EPB41L3: variants seen among roughly 807,000 people sequenced by gnomAD.
The protein encoded by EPB41L3 is erythrocyte membrane protein band 4.1 like 3.
A neutral mutation model predicts 127.1 loss-of-function variants in EPB41L3; 57 were observed. That is an observed-to-expected ratio of 0.45 (90% confidence interval 0.36 to 0.56). EPB41L3 has a LOEUF of 0.56. Among genes scored for constraint, EPB41L3 ranks in the 20% least tolerant of loss-of-function variants. The pLI, the probability that EPB41L3 is intolerant of heterozygous loss-of-function variation, is 0.00. For synonymous variants in EPB41L3, 572 were observed against 549.5 expected (o/e 1.04, Z -0.57); for missense variants, 1,273 against 1,372.2 (o/e 0.93, Z 1.14).
chr18:5,488,161 G>T (rs1465818490), intron 2 of EPB41L3, among the ~76,000 whole-genome samples: 1 of 152,146 alleles, frequency 6.6e-6, no homozygotes. Flanking sequence ...CAGGGAAAAA[G>T]AGTTGAAAAT....
chr18:5,419,616 C>G (rs969449233), intron 12 of EPB41L3, 95 bp downstream of exon 12: 78 of 1,526,152 alleles, frequency 5.1e-5, no homozygotes, highest in Non-Finnish European at 6.2e-5. Context: ...ATGATTTATC[C>G]TAAATCTGAG....
intron 1 of EPB41L3, among the ~76,000 whole-genome samples, chr18:5,538,995 A>ATTTTT (rs757227800): frequency 2.6e-5 from 3 of 115,190 alleles, no homozygotes; most frequent in Non-Finnish European, 5.6e-5. Flanking sequence ...TTTCTCCAAG[A>ATTTTT]TTTTTTTTTT....
chr18:5,470,532 A>G (rs530453960), intron 3 of EPB41L3, among the ~76,000 whole-genome samples: 1 of 152,370 alleles, frequency 6.6e-6, no homozygotes, highest in East Asian at 1.9e-4. Flanking sequence ...AGTGCTTATA[A>G]TGCACAAATT....
intron 8 of EPB41L3, among the ~76,000 whole-genome samples, chr18:5,431,965 C>A (rs1176000872): frequency 6.6e-6 from 1 of 152,138 alleles, no homozygotes; most frequent in Non-Finnish European, 1.5e-5. Flanking sequence ...TAATTATACA[C>A]AAATGTCAAA....
At chr18:5,597,687 TG>T (rs1299914824) in intron 3 of EPB41L3, among the ~76,000 whole-genome samples, 2 of 152,192 alleles carry the variant, frequency 1.3e-5, no homozygotes, top group Admixed American at 1.3e-4. Context: ...TTGCAAATCC[TG>T]CAAATCAGCC....
At chr18:5,429,491 T>C (rs967884913) in intron 8 of EPB41L3, 1 of 152,160 alleles carries the variant, frequency 6.6e-6, no homozygotes, top group Admixed American at 6.5e-5. Context: ...CTGGTCCCAC[T>C]GATTGTTGGA....
chr18:5,600,875 G>A (rs2094583617), intron 3 of EPB41L3, among the ~76,000 whole-genome samples: 1 of 152,150 alleles, frequency 6.6e-6, no homozygotes, highest in Admixed American at 6.5e-5. Context: ...GGGCGGAGGT[G>A]TAAAAGGCAT....
At chr18:5,398,387 T>TA in intron 16 of EPB41L3, 2 of 497,960 alleles carry the variant, frequency 4.0e-6, no homozygotes, top group Non-Finnish European at 3.5e-6. Flanking sequence ...GATATATATA[T>TA]TTTTTCCCCT....
intron 1 of EPB41L3, among the ~76,000 whole-genome samples, chr18:5,495,955 G>A (rs1437906759): frequency 6.6e-6 from 1 of 152,202 alleles, no homozygotes; most frequent in Non-Finnish European, 1.5e-5. Flanking sequence ...AAAGGTCTGA[G>A]GGCAGGCAGC....
chr18:5,420,053 T>C, intron 11 of EPB41L3, 176 bp from the exon 12 acceptor site: 1 of 1,377,546 alleles, frequency 7.3e-7, no homozygotes, highest in Non-Finnish European at 9.6e-7. Context: ...AGGTTTGCCT[T>C]GAAAAAACAA....
chr18:5,526,017 C>T (rs893162267), intron 1 of EPB41L3, among the ~76,000 whole-genome samples: 2 of 152,020 alleles, frequency 1.3e-5, no homozygotes, highest in African/African-American at 4.8e-5. Context: ...AAAAGGCCAC[C>T]AAGAAACGAG....
chr18:5,604,134 T>C (rs990999372), intron 3 of EPB41L3, among the ~76,000 whole-genome samples: 4 of 152,186 alleles, frequency 2.6e-5, no homozygotes, highest in African/African-American at 7.2e-5. Flanking sequence ...GCATCTTTTC[T>C]AGTATACTCT....
chr18:5,409,105 CAG>C (rs1162245476), intron 14 of EPB41L3, among the ~76,000 whole-genome samples: 4 of 152,218 alleles, frequency 2.6e-5, no homozygotes, highest in African/African-American at 9.6e-5. Context: ...ATAGATGGGA[CAG>C]AGTTTCATCA....
At position 5,509,075 on chromosome 18, in the gene EPB41L3, C is replaced by T. The variant is rs566378813; in HGVS notation, c.-11-19881G>A. Among the ~76,000 whole-genome samples, 342 of 152,294 alleles carry T rather than the reference C, an allele frequency of 2.2e-3. 3 individuals are homozygous for T. The highest frequency in any genetic ancestry group is 7.7e-3 in the African/African-American group (320 of 41,564). The stretch of plus-strand genomic sequence containing the variant: ...TAATAAAGCCAACAGTTTTCATCAT[C>T]GGACACTGGCATAATGCTGAGAAAT... On this transcript the variant is annotated intron_variant, in intron 1 of 22. Coordinates refer to ENST00000341928, the MANE Select transcript of EPB41L3 (RefSeq NM_012307.5).
chr18:5,425,337 C>T (rs1189101902), intron 9 of EPB41L3, among the ~76,000 whole-genome samples: 1 of 152,180 alleles, frequency 6.6e-6, no homozygotes, highest in Non-Finnish European at 1.5e-5. Context: ...TTGCCTTTCC[C>T]AACTTCTTAT....
intron 3 of EPB41L3, among the ~76,000 whole-genome samples, chr18:5,586,584 T>TTTTTTG (rs2094444502): frequency 6.8e-6 from 1 of 146,260 alleles, no homozygotes; most frequent in Non-Finnish European, 1.5e-5. Flanking sequence ...TTTTTTTTTG[T>TTTTTTG]AGAGATGAGA....
chr18:5,438,568 C>A (rs2080210923), intron 5 of EPB41L3, among the ~76,000 whole-genome samples: 1 of 152,154 alleles, frequency 6.6e-6, no homozygotes, highest in Non-Finnish European at 1.5e-5. Context: ...TAATAAATGT[C>A]AAGGGACTAT....
chr18:5,446,793 T>C lies in EPB41L3; in HGVS notation c.382-1549A>G, dbSNP rs147326250. Among the ~76,000 whole-genome samples the C allele has an allele frequency of 2.4e-3, 358 of 152,322 alleles. 1 individual carries two copies. The highest frequency in any genetic ancestry group is 4.4e-3 in the Non-Finnish European group (297 of 68,010). The stretch of plus-strand genomic sequence containing the variant: ...ACAGTTCCATAAAGTATTATGAAAA[T>C]AAATTACTCGTTAGCAAAACTACAT... On this transcript the variant is annotated intron_variant, in intron 3 of 22. Transcript: ENST00000341928.
intron 5 of EPB41L3, among the ~76,000 whole-genome samples, chr18:5,441,598 T>C (rs949060243): frequency 2.8e-4 from 43 of 152,074 alleles, no homozygotes; most frequent in African/African-American, 1.0e-3. Flanking sequence ...CCCGAGTAGC[T>C]GGGACTACAG....
Sources: gnomAD v4.1 joint callset for allele counts (sites outside exome capture counted in the v4.1 genomes callset) on GRCh38, gnomAD v4.1.1 for gene constraint, MANE v1.5 for transcripts, NCBI Gene and HGNC (gene_info 2026-07-23, HGNC 2026-07-21) for gene names.